Variants in CEP72 observed in about 807,000 individuals in gnomAD.
The protein encoded by CEP72 is centrosomal protein of 72 kDa.
A neutral mutation model predicts 65.7 loss-of-function variants in CEP72; 78 were observed. That is an observed-to-expected ratio of 1.19 (90% CI 0.99 to 1.43). The LOEUF is 1.43. Among genes scored for constraint, CEP72 ranks in the 40% most tolerant of loss-of-function variants. The pLI is 0.00. For synonymous variants in CEP72, 358 were observed against 351.7 expected (o/e 1.02, Z -0.20); for missense variants, 914 against 832.9 (o/e 1.10, Z -1.20).
At chr5:618,086 G>C (rs1005421653) in intron 1 of CEP72, among the ~76,000 whole-genome samples, 1 of 152,152 alleles carries the variant, frequency 6.6e-6, no homozygotes, top group Non-Finnish European at 1.5e-5. Context: ...GGTTTCAGAT[G>C]GTGATGGCTG....
chr5:622,772 G>A (rs1736478143), intron 3 of CEP72, among the ~76,000 whole-genome samples: 1 of 125,580 alleles, frequency 8.0e-6, no homozygotes, highest in Non-Finnish European at 1.6e-5. Flanking sequence ...AAGACACAGT[G>A]TCTGTTTCCA....
intron 5 of CEP72, among the ~76,000 whole-genome samples, chr5:635,154 C>G (rs1214888043): frequency 6.6e-6 from 1 of 152,216 alleles, no homozygotes; most frequent in African/African-American, 2.4e-5. Context: ...TTCTTGCAGC[C>G]TTGTCCTGAG....
intron 4 of CEP72, among the ~76,000 whole-genome samples, chr5:628,380 C>T (rs1736893082): frequency 6.6e-6 from 1 of 152,010 alleles, no homozygotes; most frequent in Non-Finnish European, 1.5e-5. Context: ...CAGGACCCAG[C>T]CCCCTTCTTT....
Position 619,164 on chromosome 5 carries a change from T to C in CEP72, c.210+47T>C, listed in dbSNP as rs770100625. On this transcript the variant is annotated intron_variant, in intron 2 of 11. Coordinates refer to ENST00000264935, the MANE Select transcript of CEP72 (RefSeq NM_018140.4). ...TAAAATTTATTGCTATCAACATCAG[T>C]GGAAAGTCCATTCACAGCAGAAACG... 6 of 1,568,160 alleles carry C rather than the reference T, an allele frequency of 3.8e-6. No individual in the cohort carries two copies. In the Admixed American group the frequency reaches 8.4e-5, roughly 22 times the overall value.
chr5:642,888 A>G, intron 9 of CEP72: 1 of 985,474 alleles, frequency 1.0e-6, no homozygotes, highest in Non-Finnish European at 1.2e-6. Flanking sequence ...TCCCTCGGTC[A>G]CATGAACCTA....
downstream of CEP72, among the ~76,000 whole-genome samples, chr5:659,008 C>T (rs1208712526): frequency 6.6e-6 from 1 of 152,232 alleles, no homozygotes; most frequent in South Asian, 2.1e-4. Context: ...TAGTTTAAAT[C>T]TGCCATCTCA....
downstream of CEP72, among the ~76,000 whole-genome samples, chr5:658,154 C>T (rs924965314): frequency 6.6e-6 from 1 of 152,206 alleles, no homozygotes; most frequent in African/African-American, 2.4e-5. Flanking sequence ...CCTTGCCATC[C>T]AGGGGCAGGG....
downstream of CEP72, chr5:657,065 C>G (rs1476889042): frequency 1.3e-5 from 2 of 152,050 alleles, no homozygotes; most frequent in Non-Finnish European, 2.9e-5. Context: ...AAAAATAAAC[C>G]TTGAATTTCT....
chr5:633,660 C>A, intron 4 of CEP72, 109 bp from the exon 5 acceptor site: 3 of 1,055,480 alleles, frequency 2.8e-6, no homozygotes, highest in Non-Finnish European at 4.2e-6. Flanking sequence ...ACGTTTGCAG[C>A]ACGCTGCTTC....
At chr5:633,426 C>G (rs1337970696) in intron 4 of CEP72, among the ~76,000 whole-genome samples, 1 of 148,506 alleles carries the variant, frequency 6.7e-6, no homozygotes, top group Admixed American at 6.9e-5. Context: ...TGTCCAGTGC[C>G]GGGATTTAGA....
rs1170062300 is a variant in CEP72 at position 624,438 on chromosome 5, A to G, written c.404-33A>G. 6.4e-7 allele frequency: 1 copy of G among 1,555,082 alleles called. No individual in the cohort carries two copies. The highest frequency in any genetic ancestry group is 2.2e-5 in the East Asian group (1 of 44,516). On this transcript the variant is annotated intron_variant, in intron 3 of 11. Transcript: ENST00000264935. The surrounding 1 kb of genome is among the most constrained non-coding windows in gnomAD (Gnocchi z 4.7). ...TGGATGCAGCCGCCCGCCGCTTGCC[A>G]CCTGCACAGTCTTGTGTGGCCTTTT...
rs984276577 is a variant in CEP72, at chr5:623,220, G to C, written c.404-1251G>C. On this transcript the variant is annotated intron_variant, in intron 3 of 11. Transcript: ENST00000264935. This position sits in a 1 kb window ranked among gnomAD's most constrained non-coding sequence, Gnocchi z 5.3. ...CCCTCTTAGTGTTTCTACAGAGAAG[G>C]AGCACAACCGTCTCCCCGCATGTGA... Among the ~76,000 whole-genome samples, 2 of 152,222 alleles carry C rather than the reference G, an allele frequency of 1.3e-5. No homozygotes were observed. Among genetic ancestry groups the C allele is most frequent in the Admixed American group, 6.5e-5 (1 of 15,282 alleles).
chr5:657,978 T>A (rs1029085628), downstream of CEP72, among the ~76,000 whole-genome samples: 2 of 152,244 alleles, frequency 1.3e-5, no homozygotes, highest in African/African-American at 4.8e-5. Context: ...TCCATTTCTT[T>A]TCGAGTTAGT....
In CEP72 at chr5:635,465, G is replaced by C; in HGVS notation, c.785G>C (p.Gly262Ala). The change falls in exon 6 of 12, where the codon GGG (glycine) becomes GCG (alanine). Residue 262 changes from glycine (G) to alanine (A), a missense_variant. Physicochemically the swap from Gly to Ala is moderately conservative, Grantham distance 60 (BLOSUM62 0). Transcript: ENST00000264935. ...GAGACGAGGAGGAGCAGCTGCAGAG[G>C]GTGCTGTCTGGAGAAGATGCCTTGG... ...GRETRRSSCR[G>A]CCLEKMPWSQ... 3 of 1,614,126 alleles carry C rather than the reference G, an allele frequency of 1.9e-6. No individual in the cohort carries two copies. The highest frequency in any genetic ancestry group is 2.5e-6 in the Non-Finnish European group (3 of 1,179,986).
downstream of CEP72, among the ~76,000 whole-genome samples, chr5:669,129 G>A (rs1740086563): frequency 6.6e-6 from 1 of 152,224 alleles, no homozygotes; most frequent in South Asian, 2.1e-4. Flanking sequence ...GGAGGGGAGC[G>A]GAGGCCTCGC....
At chr5:649,721 C>T (rs142629110) in intron 11 of CEP72, among the ~76,000 whole-genome samples, 180 of 9,074 alleles carry the variant, frequency 0.02, 1 homozygote, top group African/African-American at 0.06. Context: ...GAGGGGTGAC[C>T]GTGAGGCGTG....
At chr5:633,631 A>G (rs1327978058) in intron 4 of CEP72, 138 bp from the exon 5 acceptor site, 1 of 767,192 alleles carries the variant, frequency 1.3e-6, no homozygotes, top group African/African-American at 1.7e-5. Context: ...CAGTGGAAGC[A>G]ACAGGACCCG....
At chr5:670,486 C>T (rs139154820), downstream of CEP72, among the ~76,000 whole-genome samples, 1,199 of 152,188 alleles carry the variant, frequency 7.9e-3, 8 homozygotes, top group Non-Finnish European at 0.011. Context: ...CCCAGGGCAC[C>T]AACCTCTGGG....
intron 10 of CEP72, 25 bp from the exon 11 acceptor site, chr5:647,780 A>C (rs1221324371): frequency 7.0e-7 from 1 of 1,420,880 alleles, no homozygotes; most frequent in Non-Finnish European, 9.9e-7. Flanking sequence ...CATTAATGGT[A>C]CTTTTTTTTT....
Sources: allele counts gnomAD v4.1 joint callset (sites outside exome capture counted in the v4.1 genomes callset), GRCh38; gene constraint gnomAD v4.1.1; non-coding constraint Gnocchi (gnomAD v3.1); transcripts MANE v1.5; gene names NCBI Gene and HGNC (gene_info 2026-07-23, HGNC 2026-07-21).